ADGRL3: variants seen among roughly 807,000 people sequenced by gnomAD.
ADGRL3 encodes calcium-independent alpha-latrotoxin receptor 3.
In ADGRL3, 62 loss-of-function variants were observed where a neutral mutation model predicts 153.5. The observed-to-expected ratio is 0.40, with a 90% CI of 0.33 to 0.50. The LOEUF (loss-of-function observed/expected upper bound fraction) is 0.50. ADGRL3 is among the 20% of genes least tolerant of loss of function. ADGRL3 has a pLI of 0.47. For synonymous variants in ADGRL3, 710 were observed against 672.5 expected, an observed-to-expected ratio of 1.06 and a Z score of -0.86; for missense variants, 1,641 against 1,859.4, an observed-to-expected ratio of 0.88 and a Z score of 2.16.
rs547174353 is a variant in ADGRL3 at position 61,759,397 on chromosome 4, C to T, written c.1399+25843C>T. ...TTTTTATTCTTTTTTCTCTAAACTTCCCTTCTCGCTTCATTTCATTCTTTT... is the reference window on the plus strand; with the variant it reads ...TTTTTATTCTTTTTTCTCTAAACTTTCCTTCTCGCTTCATTTCATTCTTTT... On this transcript the variant is annotated intron_variant, in intron 8 of 26. Coordinates refer to ENST00000683033, the MANE Select transcript of ADGRL3 (RefSeq NM_001387552.1). Among the ~76,000 whole-genome samples the T allele has an allele frequency of 1.7e-4, 26 of 152,188 alleles. 2 individuals are homozygous for T. In the South Asian group the frequency reaches 4.2e-3, roughly 24 times the overall value.
intron 2 of ADGRL3, among the ~76,000 whole-genome samples, chr4:61,478,820 A>C (rs532896260): frequency 1.3e-5 from 2 of 152,206 alleles, no homozygotes; most frequent in African/African-American, 2.4e-5. Context: ...CTGTGTGCAC[A>C]TGTGTGAGTT....
At chr4:62,049,896 A>G (rs1733196656) in intron 25 of ADGRL3, among the ~76,000 whole-genome samples, 2 of 152,162 alleles carry the variant, frequency 1.3e-5, no homozygotes, top group Non-Finnish European at 2.9e-5. Context: ...TGAGAGGAGT[A>G]AATGAATATA....
At chr4:61,520,682 G>GTGTGTGTGTGTGTGTGTC (rs763505931) in intron 4 of ADGRL3, among the ~76,000 whole-genome samples, 5,632 of 123,126 alleles carry the variant, frequency 0.046, 161 homozygotes, top group Middle Eastern at 0.072. Context: ...GTGTGTGTGT[G>GTGTGTGTGTGTGTGTGTC]TGTCTGTCTG....
chr4:61,907,415 T>C (rs1365996824), intron 11 of ADGRL3, among the ~76,000 whole-genome samples: 2 of 151,926 alleles, frequency 1.3e-5, no homozygotes, highest in Non-Finnish European at 2.9e-5. Flanking sequence ...TGCGCCACCA[T>C]GCCCAGCTAA....
rs145241028 is a variant in ADGRL3 at position 61,534,524 on chromosome 4, G to A, written c.259+17006G>A. Among the ~76,000 whole-genome samples the A allele has an allele frequency of 5.7e-4, 86 of 152,072 alleles. 1 individual carries two copies. The highest frequency in any genetic ancestry group is 2.0e-3 in the African/African-American group (81 of 41,504). ...ATGCACTGAATCTCTAGATTGCTTTGGGGAGTATAGTCATTTTAATGATAA... is the reference window on the plus strand; with the variant it reads ...ATGCACTGAATCTCTAGATTGCTTTAGGGAGTATAGTCATTTTAATGATAA... On this transcript the variant is annotated intron_variant, in intron 4 of 26. Transcript: ENST00000683033.
intron 8 of ADGRL3, among the ~76,000 whole-genome samples, chr4:61,774,895 C>T (rs988424603): frequency 7.2e-5 from 11 of 152,094 alleles, no homozygotes; most frequent in Non-Finnish European, 1.3e-4. Flanking sequence ...ACATTCTCCA[C>T]GGATAAGAGG....
chr4:62,072,387 G>A lies in ADGRL3; in HGVS notation c.*1479G>A, dbSNP rs11941938. 6.6e-6 allele frequency: 1 copy of A among 152,430 alleles called. No individual in the cohort carries two copies. The highest frequency in any genetic ancestry group is 1.5e-5 in the Non-Finnish European group (1 of 68,018). 9.4% of individuals were successfully genotyped at this position (152,430 alleles called of 1,614,324 possible). On this transcript the variant is annotated 3_prime_UTR_variant, in exon 27 of 27. Coordinates refer to ENST00000683033, the MANE Select transcript of ADGRL3 (RefSeq NM_001387552.1). The stretch of plus-strand genomic sequence containing the variant: ...TTGGATGACCTCATTACTAATATTT[G>A]TTGTAAAAGTGAAACTTGTTTGCCA...
intron 2 of ADGRL3, among the ~76,000 whole-genome samples, chr4:61,449,954 A>C (rs2097653700): frequency 6.6e-6 from 1 of 152,222 alleles, no homozygotes; most frequent in Non-Finnish European, 1.5e-5. Context: ...ATTGGAAACT[A>C]TAATGTGATA....
intron 2 of ADGRL3, among the ~76,000 whole-genome samples, chr4:61,465,754 TATAA>T (rs1004162999): frequency 4.2e-5 from 4 of 95,288 alleles, no homozygotes; most frequent in East Asian, 3.0e-4. Context: ...TAAAATTATA[TATAA>T]ATATATATAT....
At chr4:62,027,718 A>G (rs1222228395) in intron 21 of ADGRL3, among the ~76,000 whole-genome samples, 2 of 151,980 alleles carry the variant, frequency 1.3e-5, no homozygotes, top group African/African-American at 4.8e-5. Context: ...TAATAACCGT[A>G]TATAGTATTC....
intron 9 of ADGRL3, among the ~76,000 whole-genome samples, chr4:61,835,337 G>GAA (rs34440166): frequency 1.1e-3 from 37 of 33,036 alleles, no homozygotes; most frequent in South Asian, 1.4e-3. Flanking sequence ...TGGCAAGACT[G>GAA]AAAAAAAAAA....
chr4:61,712,086 G>A (rs1216497762), intron 6 of ADGRL3, among the ~76,000 whole-genome samples: 2 of 152,056 alleles, frequency 1.3e-5, no homozygotes, highest in Admixed American at 6.6e-5. Context: ...GAACAGTATA[G>A]CATCTTGGTT....
intron 4 of ADGRL3, among the ~76,000 whole-genome samples, chr4:61,531,268 T>C (rs2098611709): frequency 6.6e-6 from 1 of 152,142 alleles, no homozygotes; most frequent in Non-Finnish European, 1.5e-5. Flanking sequence ...CCTGCACCCT[T>C]AGGAAACAAG....
At chr4:61,489,132 T>G (rs1241448138) in intron 2 of ADGRL3, among the ~76,000 whole-genome samples, 2 of 152,026 alleles carry the variant, frequency 1.3e-5, no homozygotes, top group East Asian at 3.9e-4. Context: ...TACCTTTATT[T>G]AAGCCTTAAA....
intron 9 of ADGRL3, among the ~76,000 whole-genome samples, chr4:61,868,857 C>A (rs2098418345): frequency 6.6e-6 from 1 of 152,142 alleles, no homozygotes; most frequent in Non-Finnish European, 1.5e-5. Flanking sequence ...TTTTGCAACC[C>A]TAATTAAACT....
intron 9 of ADGRL3, among the ~76,000 whole-genome samples, chr4:61,869,038 G>C (rs2098419566): frequency 6.6e-6 from 1 of 152,180 alleles, no homozygotes; most frequent in East Asian, 1.9e-4. Flanking sequence ...GACCTACTGG[G>C]CTCAAGTGAT....
intron 1 of ADGRL3, among the ~76,000 whole-genome samples, chr4:61,362,200 A>G (rs1429923003): frequency 1.3e-5 from 2 of 151,078 alleles, no homozygotes; most frequent in African/African-American, 4.9e-5. Flanking sequence ...ACGGTGTTTC[A>G]CTATGTTGAC....
At chr4:61,662,272 G>A (rs1357560164) in intron 5 of ADGRL3, among the ~76,000 whole-genome samples, 1 of 152,232 alleles carries the variant, frequency 6.6e-6, no homozygotes, top group Non-Finnish European at 1.5e-5. Context: ...AGGCACAGCT[G>A]TAGCTGCCCA....
At chr4:61,345,875 G>T (rs905774209) in intron 1 of ADGRL3, among the ~76,000 whole-genome samples, 8 of 152,118 alleles carry the variant, frequency 5.3e-5, no homozygotes, top group African/African-American at 1.7e-4. Flanking sequence ...ATGAGTTGTA[G>T]ATTTTTGTCA....
Sources: allele counts gnomAD v4.1 joint callset (sites outside exome capture counted in the v4.1 genomes callset), GRCh38; gene constraint gnomAD v4.1.1; transcripts MANE v1.5; gene names NCBI Gene and HGNC (gene_info 2026-07-23, HGNC 2026-07-21).